The following MICAL2 variants were observed in gnomAD, a reference collection of about 807,000 sequenced individuals.
MICAL2 encodes the protein microtubule associated monooxygenase, calponin and LIM domain containing 2, also known as [F-actin]-monooxygenase MICAL2.
Under a neutral mutation model 127.3 loss-of-function variants are expected in MICAL2, and 77 were observed. The ratio of observed to expected loss-of-function variants is 0.60; its 90% CI spans 0.50 to 0.73. MICAL2 has a LOEUF of 0.73. MICAL2 is among the 30% of genes least tolerant of loss of function. The pLI, the probability that MICAL2 is intolerant of heterozygous loss-of-function variation, is 0.00. For synonymous variants in MICAL2, 570 were observed against 551.1 expected (o/e 1.03, Z -0.48); for missense variants, 1,351 against 1,434.4 (o/e 0.94, Z 0.94).
In MICAL2 at chr11:12,227,199, G is replaced by A. The variant is rs542648348; in HGVS notation, c.1995+68G>A. 9.4e-5 allele frequency: 109 copies of A among 1,156,180 alleles called. No homozygotes were observed. The Middle Eastern group carries it at 1.4e-3, about 15-fold the overall frequency. 71.6% of individuals were successfully genotyped at this position (1,156,180 alleles called of 1,614,324 possible). A position where few individuals can be genotyped will look rare whatever the true frequency, so the allele number is the denominator to read the frequency against. On this transcript the variant is annotated intron_variant, in intron 15 of 27. Coordinates refer to ENST00000683283, the MANE Select transcript of MICAL2 (RefSeq NM_001282663.2). Reference sequence around the variant, plus strand: ...GGACGGGGTATGAGGAACGGAGATTGTCACATTCTCAGCCTGTTGAGGCTA... The same window carrying A: ...GGACGGGGTATGAGGAACGGAGATTATCACATTCTCAGCCTGTTGAGGCTA...
intron 29 of MICAL2, among the ~76,000 whole-genome samples, chr11:12,308,837 T>G (rs182901126): frequency 2.8e-4 from 43 of 152,348 alleles, no homozygotes; most frequent in African/African-American, 9.9e-4. Context: ...TATTTCACCA[T>G]TGAGTATAAT....
At chr11:12,123,044 GT>G (rs553835730) in intron 1 of MICAL2, among the ~76,000 whole-genome samples, 2,233 of 150,680 alleles carry the variant, frequency 0.015, 56 homozygotes, top group African/African-American at 0.05. Flanking sequence ...TTCAGAAATT[GT>G]TTTTTTTTAA....
chr11:12,118,408 G>A (rs1338537251), intron 1 of MICAL2, among the ~76,000 whole-genome samples: 1 of 152,192 alleles, frequency 6.6e-6, no homozygotes, highest in Non-Finnish European at 1.5e-5. Flanking sequence ...CATAGTCTAG[G>A]CATGTCCTGG....
At chr11:12,226,432 T>G (rs1161674554) in intron 14 of MICAL2, 62 bp downstream of exon 14, 12 of 1,533,446 alleles carry the variant, frequency 7.8e-6, no homozygotes, top group Middle Eastern at 2.2e-4. Flanking sequence ...TGTCTCTGAG[T>G]CTGGCTGCTC....
At chr11:12,226,637 GTTGT>G (rs1857496697) in intron 14 of MICAL2, among the ~76,000 whole-genome samples, 2 of 142,778 alleles carry the variant, frequency 1.4e-5, no homozygotes, top group Non-Finnish European at 3.1e-5. Context: ...TTGTTTTTTT[GTTGT>G]TTGTTTTTGG....
chr11:12,315,515 TTTAA>T (rs962212478), intron 29 of MICAL2, among the ~76,000 whole-genome samples: 7 of 152,196 alleles, frequency 4.6e-5, no homozygotes, highest in Non-Finnish European at 8.8e-5. Context: ...AAGTGTATTA[TTTAA>T]TTCTCAAATA....
At chr11:12,136,781 C>G (rs1423090085) in intron 1 of MICAL2, among the ~76,000 whole-genome samples, 5 of 152,130 alleles carry the variant, frequency 3.3e-5, no homozygotes, top group African/African-American at 1.2e-4. Context: ...CTGTGAGCAT[C>G]TGACCAGTGG....
chr11:12,151,751 G>A (rs1351359123), intron 2 of MICAL2, among the ~76,000 whole-genome samples: 2 of 152,046 alleles, frequency 1.3e-5, no homozygotes, highest in Admixed American at 1.3e-4. Context: ...AGTGGCATGC[G>A]CCACTCCTGC....
chr11:12,237,036 A>C (rs1215600742), intron 16 of MICAL2, among the ~76,000 whole-genome samples: 3 of 152,174 alleles, frequency 2.0e-5, no homozygotes, highest in Non-Finnish European at 4.4e-5. Flanking sequence ...TTATGGTCGA[A>C]GAGTTTTTAT....
At chr11:12,236,311 C>T in intron 16 of MICAL2, 66 bp downstream of exon 16, 1 of 1,441,370 alleles carries the variant, frequency 6.9e-7, no homozygotes, top group Admixed American at 1.7e-5. Flanking sequence ...CACAGGCAGC[C>T]TCACTGTGGT....
At chr11:12,136,252 A>T (rs7119131) in intron 1 of MICAL2, among the ~76,000 whole-genome samples, 1 of 151,920 alleles carries the variant, frequency 6.6e-6, no homozygotes, top group Non-Finnish European at 1.5e-5. Flanking sequence ...ACAAAGGAAA[A>T]TATAGTGTCA....
intron 20 of MICAL2, 71 bp from the exon 21 acceptor site, chr11:12,243,916 T>A (rs1860335079): frequency 6.4e-7 from 1 of 1,569,792 alleles, no homozygotes. Flanking sequence ...TGGGACTGCA[T>A]GATTGAGGCA....
chr11:12,196,355 G>A (rs964130872), intron 3 of MICAL2, among the ~76,000 whole-genome samples: 9 of 151,966 alleles, frequency 5.9e-5, no homozygotes, highest in African/African-American at 2.2e-4. Context: ...TGAGTAATGC[G>A]TATTGAAGCA....
intron 29 of MICAL2, among the ~76,000 whole-genome samples, chr11:12,300,130 A>G (rs1864030886): frequency 6.6e-6 from 1 of 152,072 alleles, no homozygotes; most frequent in Admixed American, 6.5e-5. Context: ...CCACGTCTCT[A>G]CTAAAAATAC....
At chr11:12,210,896 C>T (rs1337947899) in intron 6 of MICAL2, among the ~76,000 whole-genome samples, 1 of 152,226 alleles carries the variant, frequency 6.6e-6, no homozygotes, top group Non-Finnish European at 1.5e-5. Flanking sequence ...CATCCCTGGC[C>T]TCTGGCCCCC....
chr11:12,136,111 A>G (rs1851812442), intron 1 of MICAL2, among the ~76,000 whole-genome samples: 1 of 152,000 alleles, frequency 6.6e-6, no homozygotes, highest in Non-Finnish European at 1.5e-5. Context: ...GTCCCACTCA[A>G]TCTCACAGGA....
intron 2 of MICAL2, among the ~76,000 whole-genome samples, chr11:12,139,936 C>T (rs900563667): frequency 3.9e-5 from 6 of 152,166 alleles, no homozygotes; most frequent in African/African-American, 1.2e-4. Flanking sequence ...TTGGGTCCCT[C>T]CTGGCTCATC....
At chr11:12,350,441 T>C (rs1380033030) in intron 33 of MICAL2, among the ~76,000 whole-genome samples, 1 of 152,186 alleles carries the variant, frequency 6.6e-6, no homozygotes, top group Non-Finnish European at 1.5e-5. Flanking sequence ...CACCACACTC[T>C]GAAAAAGCTG....
At chr11:12,223,382 G>A (rs760720935) in intron 11 of MICAL2, 29 bp from the exon 12 acceptor site, 2 of 1,592,780 alleles carry the variant, frequency 1.3e-6, no homozygotes, top group South Asian at 2.2e-5. Context: ...GGGAAAACTG[G>A]TGGGCAAGCA....
Sources: allele counts gnomAD v4.1 joint callset (sites outside exome capture counted in the v4.1 genomes callset), GRCh38; gene constraint gnomAD v4.1.1; transcripts MANE v1.5; gene names NCBI Gene and HGNC (gene_info 2026-07-23, HGNC 2026-07-21).